GABRA2: variants seen among roughly 807,000 people sequenced by gnomAD.
GABRA2 encodes the protein gamma-aminobutyric acid receptor subunit alpha-2.
A neutral mutation model predicts 48.7 loss-of-function variants in GABRA2; 16 were observed. The observed-to-expected ratio is 0.33, with a 90% CI of 0.22 to 0.50. The LOEUF (loss-of-function observed/expected upper bound fraction) is 0.50, where lower values mean the gene tolerates loss of function less well. Among genes scored for constraint, GABRA2 ranks in the 20% least tolerant of loss-of-function variants. The pLI, the probability that GABRA2 is intolerant of heterozygous loss-of-function variation, is 0.98. For missense variants in GABRA2, 275 were observed against 535.6 expected, an observed-to-expected ratio of 0.51 and a Z score of 4.80; for synonymous variants, 185 against 184.5, an observed-to-expected ratio of 1.00 and a Z score of -0.02.
chr4:46,258,774 T>TA (rs528705517), intron 9 of GABRA2, among the ~76,000 whole-genome samples: 194 of 151,880 alleles, frequency 1.3e-3, no homozygotes, highest in African/African-American at 4.4e-3. Context: ...AGCATAACAG[T>TA]AAAAAAATTT....
chr4:46,288,011 ACCC>A (rs1401641336), intron 8 of GABRA2, among the ~76,000 whole-genome samples: 1 of 152,004 alleles, frequency 6.6e-6, no homozygotes, highest in African/African-American at 2.4e-5. Flanking sequence ...GCAGGGAAAC[ACCC>A]CCATATAAAA....
intron 8 of GABRA2, among the ~76,000 whole-genome samples, chr4:46,286,067 T>C (rs1375011297): frequency 6.6e-6 from 1 of 152,090 alleles, no homozygotes; most frequent in Non-Finnish European, 1.5e-5. Context: ...TTGTTTTTAT[T>C]ATCCCAGAAG....
At chr4:46,379,655 G>T (rs918459816) in intron 3 of GABRA2, among the ~76,000 whole-genome samples, 2 of 152,104 alleles carry the variant, frequency 1.3e-5, no homozygotes, top group Non-Finnish European at 2.9e-5. Context: ...AACTTTAGGA[G>T]ACCCCAGGAA....
At chr4:46,366,376 T>C (rs1455092571) in intron 3 of GABRA2, 1 of 152,122 alleles carries the variant, frequency 6.6e-6, no homozygotes, top group Non-Finnish European at 1.5e-5. Context: ...CTTCCAGAGA[T>C]ACTTATCCAG....
At chr4:46,250,661 T>C in intron 9 of GABRA2, 57 bp from the exon 10 acceptor site, 3 of 1,318,060 alleles carry the variant, frequency 2.3e-6, no homozygotes, top group Non-Finnish European at 3.2e-6. Context: ...CTTAACATTT[T>C]CTAAAGTCCA....
intron 9 of GABRA2, chr4:46,256,380 A>G (rs1244922486): frequency 5.0e-6 from 3 of 601,440 alleles, no homozygotes; most frequent in Non-Finnish European, 9.1e-6. Flanking sequence ...GGGGACTACA[A>G]GAAACATCAA....
chr4:46,300,577 A>G (rs1182399787), intron 8 of GABRA2, among the ~76,000 whole-genome samples: 4 of 152,008 alleles, frequency 2.6e-5, no homozygotes. Context: ...TGTTCCAGAT[A>G]CTTATTTCTA....
At chr4:46,304,923 C>CA (rs34292975) in intron 7 of GABRA2, among the ~76,000 whole-genome samples, 9,203 of 80,520 alleles carry the variant, frequency 0.11, 722 homozygotes, top group South Asian at 0.15. Flanking sequence ...GACTCTGTCT[C>CA]AAAAAAAAAA....
intron 8 of GABRA2, among the ~76,000 whole-genome samples, chr4:46,290,363 AT>A (rs748731588): frequency 9.9e-5 from 15 of 151,846 alleles, no homozygotes; most frequent in Non-Finnish European, 2.1e-4. Flanking sequence ...CTCTTTTGAG[AT>A]TATTGCTGTT....
chr4:46,317,247 A>T (rs279854), intron 4 of GABRA2, among the ~76,000 whole-genome samples: 1 of 151,552 alleles, frequency 6.6e-6, no homozygotes, highest in South Asian at 2.1e-4. Context: ...TGTAACTATT[A>T]TCAACTGTAT....
intron 3 of GABRA2, among the ~76,000 whole-genome samples, chr4:46,384,222 G>T (rs184161908): frequency 5.4e-4 from 82 of 152,222 alleles, no homozygotes; most frequent in African/African-American, 1.8e-3. Context: ...GGGAGCCACT[G>T]TTGGCACTTG....
intron 8 of GABRA2, among the ~76,000 whole-genome samples, chr4:46,299,410 T>A (rs1356368750): frequency 4.1e-4 from 62 of 152,040 alleles, no homozygotes; most frequent in Admixed American, 7.2e-4. Context: ...TGCAAAACAG[T>A]TTATTATTAA....
Position 46,249,319 on chromosome 4 carries a change from C to A in GABRA2, c.*989G>T, listed in dbSNP as rs187138543. 3 of 151,292 alleles carry A rather than the reference C, an allele frequency of 2.0e-5. No individual in the cohort carries two copies. The highest frequency in any genetic ancestry group is 4.4e-5 in the Non-Finnish European group (3 of 67,652). 9.4% of individuals were successfully genotyped at this position (151,292 alleles called of 1,614,324 possible). ...GTGGCTTCTGAGTCTTGAAAAGAAG[C>A]CTTAAGGCAGAATTTGCAGTAAACA... On this transcript the variant is annotated 3_prime_UTR_variant, in exon 10 of 10. Coordinates refer to ENST00000381620, the MANE Select transcript of GABRA2 (RefSeq NM_000807.4).
chr4:46,278,572 T>G lies in GABRA2; in HGVS notation c.857-16444A>C, dbSNP rs1344733515. ...CCCTCTTTATGGTACAATAATATCA[T>G]TATTAAGGACTTTCTGCCTACAAAA... On this transcript the variant is annotated intron_variant, in intron 8 of 9. Transcript: ENST00000381620. Among the ~76,000 whole-genome samples, 3 of 152,158 alleles carry G rather than the reference T, an allele frequency of 2.0e-5. No individual in the cohort carries two copies. The East Asian group carries it at 5.8e-4, about 29-fold the overall frequency.
chr4:46,358,835 G>C (rs1712657868), intron 3 of GABRA2, among the ~76,000 whole-genome samples: 1 of 152,084 alleles, frequency 6.6e-6, no homozygotes, highest in Admixed American at 6.6e-5. Context: ...TGGCTACTTG[G>C]TAGAATTTGT....
intron 9 of GABRA2, among the ~76,000 whole-genome samples, chr4:46,259,164 A>G (rs545648073): frequency 6.6e-6 from 1 of 151,900 alleles, no homozygotes; most frequent in Non-Finnish European, 1.5e-5. Flanking sequence ...AAGGAAAGAG[A>G]TCCAATCAAG....
intron 3 of GABRA2, among the ~76,000 whole-genome samples, chr4:46,358,233 T>C (rs901083387): frequency 3.3e-5 from 5 of 152,190 alleles, no homozygotes; most frequent in Admixed American, 2.6e-4. Flanking sequence ...AGCTTTACGA[T>C]GTCCCATGAT....
intron 7 of GABRA2, among the ~76,000 whole-genome samples, 152 bp downstream of exon 7, chr4:46,305,414 TAA>T (rs35011150): frequency 7.0e-6 from 1 of 143,610 alleles, no homozygotes. Flanking sequence ...AAAGTATAAT[TAA>T]AAAAAAAAAA....
At chr4:46,308,981 CCTT>C (rs1433828623) in intron 6 of GABRA2, among the ~76,000 whole-genome samples, 3 of 151,980 alleles carry the variant, frequency 2.0e-5, no homozygotes, top group Admixed American at 6.6e-5. Context: ...GGAAATAAGT[CCTT>C]CTCTGCTGCA....
Sources: allele counts gnomAD v4.1 joint callset (sites outside exome capture counted in the v4.1 genomes callset), GRCh38; gene constraint gnomAD v4.1.1; transcripts MANE v1.5; gene names NCBI Gene and HGNC (gene_info 2026-07-23, HGNC 2026-07-21).